PGM5: variants seen among roughly 807,000 people sequenced by gnomAD.
The protein encoded by PGM5 is phosphoglucomutase 5, also known as phosphoglucomutase-like protein 5.
In PGM5, 23 loss-of-function variants were observed where a neutral mutation model predicts 59.2. The ratio of observed to expected loss-of-function variants is 0.39; its 90% CI spans 0.28 to 0.55. The LOEUF (loss-of-function observed/expected upper bound fraction) is 0.55, where lower values mean the gene tolerates loss of function less well. Ranked by LOEUF, PGM5 falls within the 20% of genes least tolerant of loss-of-function variation. The pLI is 0.66. For synonymous variants in PGM5, 214 were observed against 286.0 expected (o/e 0.75, Z 2.54); for missense variants, 574 against 748.3 (o/e 0.77, Z 2.72).
intron 6 of PGM5, among the ~76,000 whole-genome samples, chr9:68,447,015 T>C (rs530292463): frequency 2.1e-4 from 32 of 152,200 alleles, no homozygotes; most frequent in Admixed American, 2.0e-4. Flanking sequence ...GTATACACTC[T>C]GGAGGCCTTT....
intron 2 of PGM5, among the ~76,000 whole-genome samples, chr9:68,380,790 G>A (rs1822053895): frequency 1.3e-5 from 2 of 151,592 alleles, no homozygotes; most frequent in African/African-American, 4.8e-5. Flanking sequence ...TGGTCATAAG[G>A]GATTATTATG....
intron 6 of PGM5, among the ~76,000 whole-genome samples, chr9:68,452,507 A>G (rs1309957804): frequency 6.6e-6 from 1 of 152,208 alleles, no homozygotes. Context: ...TCTGTCTCCC[A>G]TAGACGACTA....
intron 6 of PGM5, among the ~76,000 whole-genome samples, chr9:68,450,978 G>A (rs542760714): frequency 6.6e-6 from 1 of 152,300 alleles, no homozygotes; most frequent in African/African-American, 2.4e-5. Context: ...TAGGAATGGT[G>A]GAGGATTCTT....
chr9:68,365,708 A>G (rs1376405924), intron 1 of PGM5, among the ~76,000 whole-genome samples: 35 of 152,178 alleles, frequency 2.3e-4, no homozygotes, highest in African/African-American at 8.4e-4. Flanking sequence ...ATATTTAATT[A>G]TTGCCTTTGT....
chr9:68,420,787 T>C (rs11142199), intron 6 of PGM5, among the ~76,000 whole-genome samples: 72,242 of 152,004 alleles, frequency 0.48, 18,193 homozygotes, highest in South Asian at 0.56. Context: ...ACCTGACTCT[T>C]TGATGCATTA....
At chr9:68,516,893 CAG>C (rs905858840) in intron 10 of PGM5, among the ~76,000 whole-genome samples, 1 of 151,914 alleles carries the variant, frequency 6.6e-6, no homozygotes, top group Non-Finnish European at 1.5e-5. Context: ...TGTTTTGAGA[CAG>C]AGTTTCGCTC....
At chr9:68,429,162 C>T (rs1823300879) in intron 6 of PGM5, 1 of 152,124 alleles carries the variant, frequency 6.6e-6, no homozygotes, top group Non-Finnish European at 1.5e-5. Flanking sequence ...TGAAGTTAAA[C>T]TCTGAAGCAC....
intron 6 of PGM5, among the ~76,000 whole-genome samples, chr9:68,442,508 C>G (rs560365975): frequency 6.6e-6 from 1 of 152,280 alleles, no homozygotes; most frequent in South Asian, 2.1e-4. Context: ...GGTGATCTGT[C>G]CACCCTGGCC....
At chr9:68,455,809 G>C (rs1221465549) in intron 6 of PGM5, among the ~76,000 whole-genome samples, 1 of 152,180 alleles carries the variant, frequency 6.6e-6, no homozygotes, top group African/African-American at 2.4e-5. Context: ...GAGCTGGAAC[G>C]ATATCCCACT....
chr9:68,469,386 T>C (rs1823987409), intron 7 of PGM5, among the ~76,000 whole-genome samples: 2 of 152,364 alleles, frequency 1.3e-5, no homozygotes, highest in South Asian at 2.1e-4. Context: ...ACTTAGTATG[T>C]ACCTTTTGTA....
chr9:68,513,364 AG>A (rs1362061584), intron 10 of PGM5, among the ~76,000 whole-genome samples: 1 of 152,230 alleles, frequency 6.6e-6, no homozygotes, highest in East Asian at 1.9e-4. Flanking sequence ...TCTTGTCAGA[AG>A]GGTTCTTCAT....
intron 6 of PGM5, among the ~76,000 whole-genome samples, chr9:68,420,207 C>G (rs955887888): frequency 4.6e-5 from 7 of 152,162 alleles, no homozygotes; most frequent in Non-Finnish European, 1.0e-4. Context: ...CAGCAGCAAA[C>G]CTCTGAGGCT....
intron 6 of PGM5, among the ~76,000 whole-genome samples, chr9:68,444,048 C>A (rs2132065032): frequency 6.6e-6 from 1 of 150,884 alleles, no homozygotes; most frequent in South Asian, 2.1e-4. Context: ...AAGAGTCTCT[C>A]TCTTTCTTTC....
chr9:68,402,693 A>T (rs1421927456), intron 6 of PGM5, among the ~76,000 whole-genome samples: 1 of 152,236 alleles, frequency 6.6e-6, no homozygotes, highest in African/African-American at 2.4e-5. Context: ...TCTCAATCAT[A>T]TGCTTTGTGA....
chr9:68,421,371 C>T (rs1341178236), intron 6 of PGM5, among the ~76,000 whole-genome samples: 3 of 152,138 alleles, frequency 2.0e-5, no homozygotes, highest in Admixed American at 2.0e-4. Context: ...GGTGTCTGAG[C>T]TCTTCCATCT....
chr9:68,403,805 C>T (rs1302629379), intron 6 of PGM5, among the ~76,000 whole-genome samples: 1 of 152,072 alleles, frequency 6.6e-6, no homozygotes, highest in Non-Finnish European at 1.5e-5. Flanking sequence ...GGGAGAGAGA[C>T]CTGTATTACC....
chr9:68,458,705 G>C (rs6560144), intron 6 of PGM5, among the ~76,000 whole-genome samples: 22,878 of 152,120 alleles, frequency 0.15, 3,342 homozygotes, highest in East Asian at 0.37. Flanking sequence ...GAATAGCACT[G>C]TGCTAAAATT....
At chr9:68,447,443 C>G (rs11142470) in intron 6 of PGM5, among the ~76,000 whole-genome samples, 2 of 152,220 alleles carry the variant, frequency 1.3e-5, no homozygotes, top group East Asian at 3.9e-4. Flanking sequence ...AGAGAGCTGG[C>G]TTTGAACCAC....
At position 68,357,124 on chromosome 9, in the gene PGM5, C is replaced by T. The variant is rs782678833; in HGVS notation, c.-4C>T. ...AGCCGCAGCAGGACCGGCCAGGAGGCGCCATGGAGGGGAGCCCCATCCCGG... is the reference window on the plus strand; with the variant it reads ...AGCCGCAGCAGGACCGGCCAGGAGGTGCCATGGAGGGGAGCCCCATCCCGG... On this transcript the variant is annotated 5_prime_UTR_variant, in exon 1 of 11. Transcript: ENST00000396396. 2.0e-6 allele frequency: 3 copies of T among 1,513,622 alleles called. No individual in the cohort carries two copies. The highest frequency in any genetic ancestry group is 1.4e-5 in the African/African-American group (1 of 72,344). 93.8% of individuals were successfully genotyped at this position (1,513,622 alleles called of 1,614,324 possible).
Sources: gnomAD v4.1 joint callset for allele counts (sites outside exome capture counted in the v4.1 genomes callset) on GRCh38, gnomAD v4.1.1 for gene constraint, MANE v1.5 for transcripts, NCBI Gene and HGNC (gene_info 2026-07-23, HGNC 2026-07-21) for gene names.